The following NUP85 variants were observed in gnomAD, a reference collection of about 807,000 sequenced individuals.
NUP85 encodes nucleoporin 85.
NUP85 carries 23 observed loss-of-function variants against 92.8 expected under a neutral mutation model. The ratio of observed to expected loss-of-function variants is 0.25; its 90% CI spans 0.18 to 0.35. The LOEUF is 0.35. Ranked by LOEUF, NUP85 falls within the 10% of genes least tolerant of loss-of-function variation. The probability of loss-of-function intolerance (pLI) is 1.00; values close to 1 mark genes in which losing one functional copy is unlikely to be tolerated. For synonymous variants in NUP85, 314 were observed against 306.9 expected, an observed-to-expected ratio of 1.02 and a Z score of -0.24; for missense variants, 759 against 822.8, an observed-to-expected ratio of 0.92 and a Z score of 0.95.
At chr17:75,225,268 C>A in intron 8 of NUP85, 31 bp downstream of exon 8, 1 of 1,607,770 alleles carries the variant, frequency 6.2e-7, no homozygotes, top group South Asian at 1.1e-5. Context: ...TCTGCTGGGT[C>A]ACAGGAGATG....
At position 75,217,340 on chromosome 17, in the gene NUP85, G is replaced by A. The variant is rs549502714; in HGVS notation, c.476-845G>A. The stretch of plus-strand genomic sequence containing the variant: ...CTCGCAAAATGCTGGGATTATAGGC[G>A]TGAGCCACCATTCCTGGCTCGGCTA... On this transcript the variant is annotated intron_variant, in intron 6 of 18. Coordinates refer to ENST00000245544, the MANE Select transcript of NUP85 (RefSeq NM_024844.5). 7.9e-5 allele frequency among the ~76,000 whole-genome samples: 12 copies of A among 151,606 alleles called. No individual in the cohort carries two copies. The South Asian group carries it at 2.5e-3, about 32-fold the overall frequency.
chr17:75,207,008 ATTTCTGGTCTTTTAC>A (rs1427010009), intron 1 of NUP85, among the ~76,000 whole-genome samples: 2 of 151,252 alleles, frequency 1.3e-5, no homozygotes, highest in Non-Finnish European at 3.0e-5. Flanking sequence ...CACCCGGCCG[ATTTCTGGTCTTTTAC>A]TTGTGAAGAT....
intron 3 of NUP85, 145 bp from the exon 4 acceptor site, chr17:75,211,847 T>C: frequency 1.6e-6 from 1 of 634,616 alleles, no homozygotes; most frequent in Non-Finnish European, 2.8e-6. Context: ...GTCCAAGTTG[T>C]TCCAGCTTCA....
rs539810910 is a variant in NUP85, at chr17:75,212,081, T to TGC, written c.361+25_361+26dup. ...GTTGCAAGTAAGGACTGTGTGCGCGTGCGCGCGTGTGTGTGTGTGTGTGTG... is the reference window on the plus strand; with the variant it reads ...GTTGCAAGTAAGGACTGTGTGCGCGTGCGCGCGCGTGTGTGTGTGTGTGTGTG... On this transcript the variant is annotated intron_variant, in intron 4 of 18. Coordinates refer to ENST00000245544, the MANE Select transcript of NUP85 (RefSeq NM_024844.5). 175,195 of 1,307,964 alleles carry TGC rather than the reference T, an allele frequency of 0.13. 7,736 individuals carry two copies. Among genetic ancestry groups the TGC allele is most frequent in the Middle Eastern group, 0.23 (1,227 of 5,364 alleles). 81.0% of individuals were successfully genotyped at this position (1,307,964 alleles called of 1,614,324 possible). A position where few individuals can be genotyped will look rare whatever the true frequency, so the allele number is the denominator to read the frequency against.
At chr17:75,215,384 A>T (rs1299534268) in intron 5 of NUP85, among the ~76,000 whole-genome samples, 1 of 151,944 alleles carries the variant, frequency 6.6e-6, no homozygotes, top group Non-Finnish European at 1.5e-5. Flanking sequence ...CAATTTTTAT[A>T]TTTTTTGTTG....
intron 6 of NUP85, 58 bp from the exon 7 acceptor site, chr17:75,218,127 G>C: frequency 1.2e-6 from 2 of 1,610,088 alleles, no homozygotes; most frequent in Non-Finnish European, 1.7e-6. Flanking sequence ...CTTGGATAAA[G>C]GAACTTGCTG....
At position 75,208,626 on chromosome 17, in the gene NUP85, G is replaced by GA; in HGVS notation, c.127+6_127+7insA. The GA allele has an allele frequency of 6.6e-7, 1 of 1,521,926 alleles. No homozygotes were observed. The highest frequency in any genetic ancestry group is 9.1e-7 in the Non-Finnish European group (1 of 1,099,696). 94.3% of individuals were successfully genotyped at this position (1,521,926 alleles called of 1,614,324 possible). A position where few individuals can be genotyped will look rare whatever the true frequency, so the allele number is the denominator to read the frequency against. On this transcript the variant is annotated splice_region_variant and intron_variant, in intron 2 of 18. Coordinates refer to ENST00000245544, the MANE Select transcript of NUP85 (RefSeq NM_024844.5). ...AACCTCCTTCAACAAAAAAGGTAGG[G>GA]TTTTTTTTCTTCCAAATTATCCATC... is the stretch of plus-strand genomic sequence containing the variant.
chr17:75,229,221 A>T (rs1346368825), intron 11 of NUP85: 7 of 929,108 alleles, frequency 7.5e-6, no homozygotes, highest in African/African-American at 1.8e-5. Context: ...GGCCCAGCCC[A>T]CAATCTTGGA....
intron 5 of NUP85, 127 bp from the exon 6 acceptor site, chr17:75,215,627 T>C: frequency 1.3e-6 from 1 of 775,860 alleles, no homozygotes; most frequent in Non-Finnish European, 2.1e-6. Flanking sequence ...AATCCTCCAG[T>C]AGGATTGCAG....
At chr17:75,228,401 G>C (rs138144926) in intron 11 of NUP85, 2 of 985,356 alleles carry the variant, frequency 2.0e-6, no homozygotes, top group African/African-American at 3.5e-5. Flanking sequence ...GGGAAATCTT[G>C]GAGTTTGCAT....
chr17:75,213,125 G>C lies in NUP85; in HGVS notation c.405+6G>C. On this transcript the variant is annotated splice_donor_region_variant and intron_variant, in intron 5 of 18. Coordinates refer to ENST00000245544, the MANE Select transcript of NUP85 (RefSeq NM_024844.5). ...GCCGCCAGTTCAGCAGCCAGGTAAGGGGAGTCACCTTTATTGTTTTAGCAC... is the reference window on the plus strand; with the variant it reads ...GCCGCCAGTTCAGCAGCCAGGTAAGCGGAGTCACCTTTATTGTTTTAGCAC... 6.2e-7 allele frequency: 1 copy of C among 1,613,172 alleles called. No individual in the cohort carries two copies. The highest frequency in any genetic ancestry group is 8.5e-7 in the Non-Finnish European group (1 of 1,179,638).
At chr17:75,223,756 C>G (rs926858549) in intron 7 of NUP85, among the ~76,000 whole-genome samples, 1 of 152,156 alleles carries the variant, frequency 6.6e-6, no homozygotes, top group South Asian at 2.1e-4. Flanking sequence ...TTAATGCATT[C>G]TGATATTTTA....
At chr17:75,223,970 C>G (rs1389704826) in intron 7 of NUP85, among the ~76,000 whole-genome samples, 1 of 152,070 alleles carries the variant, frequency 6.6e-6, no homozygotes, top group South Asian at 2.1e-4. Context: ...TAATTCCTGG[C>G]AGACCCAGCT....
intron 4 of NUP85, among the ~76,000 whole-genome samples, 187 bp downstream of exon 4, chr17:75,212,249 T>TGTTG (rs1568069676): frequency 6.3e-3 from 17 of 2,704 alleles, no homozygotes; most frequent in South Asian, 0.022. Flanking sequence ...TTGTTGTTGT[T>TGTTG]TTTTTTTTTT....
Position 75,231,696 on chromosome 17 carries a change from T to G in NUP85, c.1244+58T>G. 6.2e-7 allele frequency: 1 copy of G among 1,607,114 alleles called. No individual in the cohort carries two copies. The highest frequency in any genetic ancestry group is 8.5e-7 in the Non-Finnish European group (1 of 1,174,018). ...GGTGCTCTTCAGCATGCGGGTGCCA[T>G]TGGAGCTTGGACTGTTCTCTCCCAG... On this transcript the variant is annotated intron_variant, in intron 13 of 18. Coordinates refer to ENST00000245544, the MANE Select transcript of NUP85 (RefSeq NM_024844.5). This position sits in a 1 kb window ranked among gnomAD's most constrained non-coding sequence, Gnocchi z 4.6.
intron 5 of NUP85, among the ~76,000 whole-genome samples, chr17:75,214,677 G>A (rs1363003821): frequency 1.3e-5 from 2 of 151,596 alleles, no homozygotes; most frequent in Admixed American, 6.6e-5. Flanking sequence ...TGGCCAACAC[G>A]GAAACTCCAT....
At position 75,225,226 on chromosome 17, in the gene NUP85, C is replaced by A; in HGVS notation, c.721C>A (p.Pro241Thr). The A allele has an allele frequency of 6.2e-7, 1 of 1,605,802 alleles. No individual in the cohort carries two copies. Among genetic ancestry groups the A allele is most frequent in the South Asian group, 1.1e-5 (1 of 90,080 alleles). Residue 241 changes from proline (P) to threonine (T), a missense_variant, in exon 8 of 19, where the codon CCC becomes ACC. Transcript: ENST00000245544. ...RIMGDLMRTM[P>T]ILSPGNTQTL... ...CATGGGGGACCTGATGAGGACAATG[C>A]CCATTCTTAGTGTACGTGGGGGTAG...
intron 14 of NUP85, chr17:75,232,239 T>G: frequency 4.4e-6 from 2 of 458,902 alleles, no homozygotes; most frequent in Non-Finnish European, 8.0e-6. Context: ...ACACACTTGA[T>G]TCCACGAGGT....
chr17:75,233,002 G>C (rs567460945), intron 15 of NUP85, 34 bp downstream of exon 15: 2 of 1,613,190 alleles, frequency 1.2e-6, no homozygotes, highest in South Asian at 2.2e-5. Flanking sequence ...CCCAGGGACT[G>C]GGTGGTTGAG....
Sources: gnomAD v4.1 joint callset for allele counts (sites outside exome capture counted in the v4.1 genomes callset) on GRCh38, gnomAD v4.1.1 for gene constraint, Gnocchi (gnomAD v3.1) non-coding constraint, MANE v1.5 for transcripts, NCBI Gene and HGNC (gene_info 2026-07-23, HGNC 2026-07-21) for gene names.